NEBL: variants seen among roughly 807,000 people sequenced by gnomAD.
NEBL encodes the protein LIM and SH3 protein 2.
In NEBL, 122 loss-of-function variants were observed where a neutral mutation model predicts 140.2. That is an observed-to-expected ratio of 0.87 (90% confidence interval 0.75 to 1.01). The LOEUF is 1.01. Among genes scored for constraint, NEBL ranks in the 50% least tolerant of loss-of-function variants. The probability of loss-of-function intolerance (pLI) is 0.00; values close to 1 mark genes in which losing one functional copy is unlikely to be tolerated. For synonymous variants in NEBL, 436 were observed against 398.9 expected (o/e 1.09, Z -1.11); for missense variants, 1,365 against 1,231.3 (o/e 1.11, Z -1.62).
intron 4 of NEBL, among the ~76,000 whole-genome samples, chr10:20,946,420 AG>A (rs1346958343): frequency 1.3e-5 from 2 of 152,186 alleles, no homozygotes; most frequent in African/African-American, 4.8e-5. Context: ...TTCTTGAGCC[AG>A]GAGTAGCTAC....
At chr10:20,896,697 G>C (rs1005317785) in intron 2 of NEBL, among the ~76,000 whole-genome samples, 34 of 151,928 alleles carry the variant, frequency 2.2e-4, no homozygotes, top group African/African-American at 7.7e-4. Context: ...AATGCCTTAT[G>C]ATTTCATGCC....
rs564549869 is a variant in NEBL, at chr10:21,288,486, G to T, written n.182+4344C>A. Among the ~76,000 whole-genome samples the T allele has an allele frequency of 2.0e-5, 3 of 151,064 alleles. No individual in the cohort carries two copies. The South Asian group carries it at 6.3e-4, about 32-fold the overall frequency. Reference sequence around the variant, plus strand: ...GTGTCTCAAAAAAGAGAAAAAGCCCGACGCGGTGGCTCATGCCTGTAATCC... The same window carrying T: ...GTGTCTCAAAAAAGAGAAAAAGCCCTACGCGGTGGCTCATGCCTGTAATCC... On this transcript the variant is annotated intron_variant and non_coding_transcript_variant, in intron 1 of 8. Coordinates refer to the NEBL transcript ENST00000675702.
chr10:21,130,385 C>G (rs1279659369), intron 2 of NEBL, among the ~76,000 whole-genome samples: 1 of 152,052 alleles, frequency 6.6e-6, no homozygotes, highest in Non-Finnish European at 1.5e-5. Context: ...AATTCAACAC[C>G]AGCATCAATC....
chr10:20,850,271 G>A, intron 11 of NEBL, 124 bp downstream of exon 11: 2 of 773,084 alleles, frequency 2.6e-6, no homozygotes, highest in South Asian at 2.9e-5. Flanking sequence ...GGTCTAGAAA[G>A]CAGGTCCTTG....
chr10:21,112,783 A>T, intron 2 of NEBL: 1 of 179,462 alleles, frequency 5.6e-6, no homozygotes, highest in South Asian at 1.4e-4. Flanking sequence ...AAATGTCTGT[A>T]CAGCCAGTGA....
rs1022740536 is a variant in NEBL at position 20,993,939 on chromosome 10, C to A, written c.249+26178G>T. ...TTTAGCCACCCATCGTCATCTCACC[C>A]AAGGGCACCGCACATTACTCATAAA... On this transcript the variant is annotated intron_variant, in intron 3 of 6. Coordinates refer to the NEBL transcript ENST00000417816. 7.9e-5 allele frequency among the ~76,000 whole-genome samples: 12 copies of A among 152,298 alleles called. No individual in the cohort carries two copies. In the East Asian group the frequency reaches 1.9e-3, roughly 24 times the overall value.
chr10:21,129,892 T>C (rs1839020329), intron 2 of NEBL, among the ~76,000 whole-genome samples: 1 of 152,022 alleles, frequency 6.6e-6, no homozygotes, highest in South Asian at 2.1e-4. Flanking sequence ...ATTAACCCAA[T>C]TATATCAATA....
At chr10:21,287,658 C>T (rs143128522) in intron 1 of NEBL, among the ~76,000 whole-genome samples, 1 of 151,990 alleles carries the variant, frequency 6.6e-6, no homozygotes, top group Non-Finnish European at 1.5e-5. Context: ...TAATCAAACC[C>T]CTATAATCCA....
chr10:20,868,334 G>GTGTT, intron 7 of NEBL: 1 of 268,560 alleles, frequency 3.7e-6, no homozygotes, highest in African/African-American at 2.2e-5. Context: ...GTGTGTGTGT[G>GTGTT]TGTGTGTAGG....
At chr10:20,826,294 T>C (rs1304046104) in intron 18 of NEBL, among the ~76,000 whole-genome samples, 153 bp downstream of exon 18, 1 of 152,188 alleles carries the variant, frequency 6.6e-6, no homozygotes, top group Non-Finnish European at 1.5e-5. Flanking sequence ...GTTTTTGTTC[T>C]GAAAGTTAGA....
At chr10:20,881,560 TA>T (rs1389294550) in intron 4 of NEBL, among the ~76,000 whole-genome samples, 1 of 152,174 alleles carries the variant, frequency 6.6e-6, no homozygotes, top group African/African-American at 2.4e-5. Context: ...AAGAAGAACC[TA>T]AAGACAGCAA....
intron 4 of NEBL, among the ~76,000 whole-genome samples, chr10:20,929,813 G>A (rs1306031729): frequency 6.6e-6 from 1 of 152,130 alleles, no homozygotes; most frequent in Non-Finnish European, 1.5e-5. Flanking sequence ...ATACTAATGA[G>A]TACAGTGTAT....
intron 5 of NEBL, among the ~76,000 whole-genome samples, chr10:20,873,211 A>G (rs905724597): frequency 2.0e-5 from 3 of 152,202 alleles, no homozygotes; most frequent in African/African-American, 4.8e-5. Context: ...GTGTGTATAC[A>G]TATTTTTTTC....
intron 11 of NEBL, 151 bp downstream of exon 11, chr10:20,850,244 C>T: frequency 1.5e-6 from 1 of 663,128 alleles, no homozygotes; most frequent in South Asian, 1.7e-5. Flanking sequence ...GACAAGATCC[C>T]AGGCAGTGGG....
chr10:21,106,040 T>TG (rs1188316225), intron 2 of NEBL, among the ~76,000 whole-genome samples: 2 of 152,118 alleles, frequency 1.3e-5, no homozygotes, highest in Admixed American at 1.3e-4. Flanking sequence ...GTTGTTTGTT[T>TG]TTTTTCTGGT....
chr10:21,262,146 G>T (rs534138298), intron 1 of NEBL, among the ~76,000 whole-genome samples: 8 of 152,272 alleles, frequency 5.3e-5, no homozygotes, highest in African/African-American at 1.7e-4. Context: ...GGCAAATTGC[G>T]AGGGCCTCGA....
At chr10:20,968,016 C>G (rs1836403670) in intron 3 of NEBL, among the ~76,000 whole-genome samples, 1 of 151,312 alleles carries the variant, frequency 6.6e-6, no homozygotes, top group African/African-American at 2.4e-5. Context: ...TTCAGTCAGC[C>G]AAAGACTTGG....
At chr10:21,008,930 A>AATATATTACAT (rs1838235701) in intron 3 of NEBL, among the ~76,000 whole-genome samples, 1 of 151,378 alleles carries the variant, frequency 6.6e-6, no homozygotes, top group South Asian at 2.1e-4. Flanking sequence ...TATTACATAT[A>AATATATTACAT]ATATTTATTA....
exon 1 of NEBL, chr10:21,174,155 C>T: frequency 1.9e-6 from 1 of 521,734 alleles, no homozygotes; most frequent in Non-Finnish European, 2.5e-6. Flanking sequence ...CGCGCTCACT[C>T]GCTCCCCCGC....
Sources: gnomAD v4.1 joint callset for allele counts (sites outside exome capture counted in the v4.1 genomes callset) on GRCh38, gnomAD v4.1.1 for gene constraint, MANE v1.5 for transcripts, NCBI Gene and HGNC (gene_info 2026-07-23, HGNC 2026-07-21) for gene names.